LRP1B: variants seen among roughly 807,000 people sequenced by gnomAD.
The protein encoded by LRP1B is LDL receptor related protein 1B, also known as low-density lipoprotein receptor-related protein 1B.
A neutral mutation model predicts 556.6 loss-of-function variants in LRP1B; 217 were observed. The observed-to-expected ratio is 0.39, with a 90% CI of 0.35 to 0.44. The LOEUF is 0.44. Ranked by LOEUF, LRP1B falls within the 20% of genes least tolerant of loss-of-function variation. The probability of loss-of-function intolerance (pLI) is 1.00; values close to 1 mark genes in which losing one functional copy is unlikely to be tolerated. For synonymous variants in LRP1B, 2,047 were observed against 1,865.8 expected (o/e 1.10, Z -2.50); for missense variants, 5,053 against 5,620.8 (o/e 0.90, Z 3.23).
chr2:141,093,354 G>A (rs1435651495), intron 7 of LRP1B, among the ~76,000 whole-genome samples: 2 of 152,176 alleles, frequency 1.3e-5, no homozygotes, highest in African/African-American at 4.8e-5. Context: ...GGTCATCAAA[G>A]GAGAATAAAA....
At position 141,015,802 on chromosome 2, in the gene LRP1B, A is replaced by G. The variant is rs763502722; in HGVS notation, c.2084T>C (p.Leu695Pro). The change falls in exon 13 of 91, where the codon CTG (leucine) becomes CCG (proline). Residue 695 changes from leucine (L) to proline (P), a missense_variant. By Grantham distance (98) the Leu-to-Pro change is moderately conservative. Coordinates refer to ENST00000389484, the MANE Select transcript of LRP1B (RefSeq NM_018557.3). ...NRQIFVTSKM[L>P]WPNGLTLDFH... is the part of the protein sequence containing the mutation. ...GTCCAGAGTTAAACCGTTTGGCCAC[A>G]GCATCTTTGAAGTCACAAAAATCTG... The G allele has an allele frequency of 6.2e-7, 1 of 1,613,506 alleles. No individual in the cohort carries two copies. Among genetic ancestry groups the G allele is most frequent in the African/African-American group, 1.3e-5 (1 of 74,912 alleles).
chr2:141,890,373 A>AT (rs777143469), intron 1 of LRP1B, among the ~76,000 whole-genome samples: 1,781 of 59,244 alleles, frequency 0.03, 78 homozygotes, highest in African/African-American at 0.066. Context: ...ATATATATAT[A>AT]GTGTGTATAC....
At chr2:141,420,621 C>T (rs1382179684) in intron 3 of LRP1B, among the ~76,000 whole-genome samples, 1 of 152,154 alleles carries the variant, frequency 6.6e-6, no homozygotes, top group Non-Finnish European at 1.5e-5. Flanking sequence ...TGTACCAAGG[C>T]AGGTAAGACA....
intron 3 of LRP1B, among the ~76,000 whole-genome samples, chr2:141,338,780 T>C (rs1687940192): frequency 2.0e-5 from 3 of 152,186 alleles, no homozygotes; most frequent in South Asian, 2.1e-4. Context: ...CAGTGATCTA[T>C]ATAAAATGAA....
At chr2:141,307,522 A>G (rs1686635906) in intron 3 of LRP1B, among the ~76,000 whole-genome samples, 1 of 152,102 alleles carries the variant, frequency 6.6e-6, no homozygotes, top group African/African-American at 2.4e-5. Context: ...AGTCTCTTAT[A>G]GGCAGCATAA....
intron 43 of LRP1B, among the ~76,000 whole-genome samples, chr2:140,559,898 G>A (rs2105074169): frequency 6.6e-6 from 1 of 152,102 alleles, no homozygotes; most frequent in African/African-American, 2.4e-5. Context: ...ACTGTTTCAG[G>A]CAAAAACATG....
chr2:141,874,655 A>G (rs1233763053), intron 1 of LRP1B, among the ~76,000 whole-genome samples: 2 of 152,024 alleles, frequency 1.3e-5, no homozygotes, highest in Non-Finnish European at 2.9e-5. Flanking sequence ...GTAAAAAAGC[A>G]TCTCAAAAGT....
Position 140,492,701 on chromosome 2 carries a change from C to A in LRP1B, c.9035-8G>T. The stretch of plus-strand genomic sequence containing the variant: ...TTAAAAAAGGTTCTTCATCTAAACA[C>A]CAACACAAATAACATATTAGACTTT... On this transcript the variant is annotated splice_polypyrimidine_tract_variant and splice_region_variant and intron_variant, in intron 56 of 90. Transcript: ENST00000389484. The A allele has an allele frequency of 1.3e-6, 2 of 1,581,190 alleles. No individual in the cohort carries two copies. Among genetic ancestry groups the A allele is most frequent in the Non-Finnish European group, 1.7e-6 (2 of 1,150,360 alleles).
At chr2:141,102,522 G>A (rs1440383370) in intron 7 of LRP1B, among the ~76,000 whole-genome samples, 1 of 152,056 alleles carries the variant, frequency 6.6e-6, no homozygotes, top group Non-Finnish European at 1.5e-5. Flanking sequence ...GATAGAATGA[G>A]CTCAGAAATC....
chr2:140,547,790 T>A (rs1037235575), intron 43 of LRP1B, among the ~76,000 whole-genome samples: 1 of 152,092 alleles, frequency 6.6e-6, no homozygotes, highest in Non-Finnish European at 1.5e-5. Context: ...ACTTTAGAAC[T>A]ATAGACTTTT....
chr2:140,529,486 A>G (rs1690593150), intron 47 of LRP1B, among the ~76,000 whole-genome samples: 1 of 151,868 alleles, frequency 6.6e-6, no homozygotes, highest in Non-Finnish European at 1.5e-5. Context: ...TTTACTTTCA[A>G]ACAACATCTT....
chr2:141,123,186 A>G (rs1003905527), intron 7 of LRP1B, among the ~76,000 whole-genome samples: 3 of 151,810 alleles, frequency 2.0e-5, no homozygotes, highest in East Asian at 1.9e-4. Context: ...GCATACGTAT[A>G]CATATGTAAC....
chr2:140,955,971 TATAG>T (rs1258152342), intron 18 of LRP1B, among the ~76,000 whole-genome samples: 6 of 151,756 alleles, frequency 4.0e-5, no homozygotes, highest in East Asian at 1.9e-4. Context: ...ACATGAGCTA[TATAG>T]ATAAATTTAT....
intron 3 of LRP1B, among the ~76,000 whole-genome samples, chr2:141,314,547 T>C (rs1161905253): frequency 1.3e-5 from 2 of 151,492 alleles, no homozygotes; most frequent in African/African-American, 4.9e-5. Context: ...ATCCCAGCAC[T>C]CTGGGAGGTG....
intron 35 of LRP1B, among the ~76,000 whole-genome samples, chr2:140,765,133 G>A (rs1689057293): frequency 6.6e-6 from 1 of 151,972 alleles, no homozygotes; most frequent in African/African-American, 2.4e-5. Context: ...CTGGACCCTT[G>A]TTTATCTTCA....
chr2:141,139,692 T>A (rs1457848227), intron 7 of LRP1B, among the ~76,000 whole-genome samples: 1 of 151,774 alleles, frequency 6.6e-6, no homozygotes, highest in Non-Finnish European at 1.5e-5. Context: ...AAAGACCGAC[T>A]AGACCAAGTG....
At chr2:141,017,827 T>C (rs1234744186) in intron 12 of LRP1B, among the ~76,000 whole-genome samples, 1 of 151,530 alleles carries the variant, frequency 6.6e-6, no homozygotes, top group Admixed American at 6.6e-5. Context: ...AAACCCCATC[T>C]CTACAAAAAA....
At chr2:140,978,334 G>A (rs187376236) in intron 18 of LRP1B, among the ~76,000 whole-genome samples, 49 of 152,230 alleles carry the variant, frequency 3.2e-4, no homozygotes, top group Admixed American at 1.0e-3. Flanking sequence ...GGCTTTGCAT[G>A]TTTTTAAATC....
At chr2:141,275,345 T>A (rs1028202072) in intron 3 of LRP1B, among the ~76,000 whole-genome samples, 2 of 152,152 alleles carry the variant, frequency 1.3e-5, no homozygotes, top group Non-Finnish European at 2.9e-5. Context: ...GGGGGAGAAT[T>A]CTAAGCAAAC....
Sources: allele counts gnomAD v4.1 joint callset (sites outside exome capture counted in the v4.1 genomes callset), GRCh38; gene constraint gnomAD v4.1.1; transcripts MANE v1.5; gene names NCBI Gene and HGNC (gene_info 2026-07-23, HGNC 2026-07-21).